The following PUS7L variants were observed in gnomAD, a reference collection of about 807,000 sequenced individuals.
PUS7L encodes the protein pseudouridylate synthase PUS7L.
A neutral mutation model predicts 51.1 loss-of-function variants in PUS7L; 49 were observed. The observed-to-expected ratio is 0.96, with a 90% CI of 0.76 to 1.22. PUS7L has a LOEUF of 1.22. Ranked by LOEUF, PUS7L falls within the 50% of genes most tolerant of loss-of-function variation. The pLI is 0.00. For missense variants in PUS7L, 828 were observed against 820.6 expected (o/e 1.01, Z -0.11); for synonymous variants, 277 against 276.2 (o/e 1.00, Z -0.03).
chr12:43,753,749 G>A (rs1938561505), intron 2 of PUS7L, among the ~76,000 whole-genome samples: 1 of 152,082 alleles, frequency 6.6e-6, no homozygotes, highest in Non-Finnish European at 1.5e-5. Flanking sequence ...ATCTGTGAAA[G>A]CCCCAGAATC....
rs1486880927 is a variant in PUS7L at position 43,754,828 on chromosome 12, A to AATT, written c.415_417dup (p.Asn139dup). On this transcript the variant is annotated inframe_insertion, in exon 2 of 9. Transcript: ENST00000344862. ...CACTTCTCTCTTACATCACAGGCAA[A>AATT]ATTATTCAGTAACTCATGAGTTTTT... is the stretch of plus-strand genomic sequence containing the variant. 1 of 1,613,792 alleles carries AATT rather than the reference A, an allele frequency of 6.2e-7. No homozygotes were observed. Among genetic ancestry groups the AATT allele is most frequent in the East Asian group, 2.2e-5 (1 of 44,852 alleles).
rs1385473941 is a variant in PUS7L at position 43,720,248 on chromosome 12, C to T, written c.*10128G>A. 4 of 152,172 alleles carry T rather than the reference C, an allele frequency of 2.6e-5. No individual in the cohort carries two copies. The highest frequency in any genetic ancestry group is 5.9e-5 in the Non-Finnish European group (4 of 68,026). 9.4% of individuals were successfully genotyped at this position (152,172 alleles called of 1,614,324 possible). On this transcript the variant is annotated 3_prime_UTR_variant, in exon 9 of 9. Transcript: ENST00000344862. ...TCTGTAATCCCAGCATTTTGGGAGG[C>T]TGAGGCTGGCAGATCATTTGAGGTC... is the stretch of plus-strand genomic sequence containing the variant.
At chr12:43,732,002 ACT>A (rs1395827708) in intron 7 of PUS7L, among the ~76,000 whole-genome samples, 2 of 151,850 alleles carry the variant, frequency 1.3e-5, no homozygotes, top group African/African-American at 2.4e-5. Context: ...GCTGCTGAAA[ACT>A]CTGAGGCAAT....
At position 43,727,971 on chromosome 12, in the gene PUS7L, T is replaced by A. The variant is rs1359846153; in HGVS notation, c.*2405A>T. 1.3e-5 allele frequency: 2 copies of A among 152,118 alleles called. No homozygotes were observed. Among genetic ancestry groups the A allele is most frequent in the African/African-American group, 4.8e-5 (2 of 41,408 alleles). 9.4% of individuals were successfully genotyped at this position (152,118 alleles called of 1,614,324 possible). A position where few individuals can be genotyped will look rare whatever the true frequency, so the allele number is the denominator to read the frequency against. ...GACACAGCTTCTCCTTCGGCATGTT[T>A]AATTGGCATGTGATGTTTAAAGGAC... is the stretch of plus-strand genomic sequence containing the variant. On this transcript the variant is annotated 3_prime_UTR_variant, in exon 9 of 9. Coordinates refer to ENST00000344862, the MANE Select transcript of PUS7L (RefSeq NM_031292.5).
At chr12:43,740,244 GA>G (rs1375840353) in intron 5 of PUS7L, among the ~76,000 whole-genome samples, 1 of 152,126 alleles carries the variant, frequency 6.6e-6, no homozygotes, top group Non-Finnish European at 1.5e-5. Flanking sequence ...CTTAGAGTAG[GA>G]AAGGATCTTA....
At chr12:43,748,351 A>G (rs1197355981) in intron 3 of PUS7L, 99 bp downstream of exon 3, 5 of 703,942 alleles carry the variant, frequency 7.1e-6, no homozygotes, top group East Asian at 5.4e-5. Context: ...ATATAAATGC[A>G]TATTTGAATG....
chr12:43,742,630 T>C (rs1206535947), intron 4 of PUS7L, 75 bp from the exon 5 acceptor site: 10 of 1,466,126 alleles, frequency 6.8e-6, no homozygotes, highest in Non-Finnish European at 9.0e-6. Flanking sequence ...ATTGAATTTT[T>C]CTCTTCATAA....
At chr12:43,757,263 C>T (rs543956296) in intron 1 of PUS7L, among the ~76,000 whole-genome samples, 15 of 152,278 alleles carry the variant, frequency 9.9e-5, no homozygotes, top group East Asian at 1.9e-4. Flanking sequence ...CTCCGCCTCC[C>T]GAGTTCGAGC....
At position 43,725,429 on chromosome 12, in the gene PUS7L, G is replaced by T. The variant is rs1944440974; in HGVS notation, c.*4947C>A. On this transcript the variant is annotated 3_prime_UTR_variant, in exon 9 of 9. Coordinates refer to ENST00000344862, the MANE Select transcript of PUS7L (RefSeq NM_031292.5). ...AAGTTATATTTTAATTTTTAGTTTA[G>T]TTTTTTTTTTTTTTTGAGGTGGAGC... 5 of 143,140 alleles carry T rather than the reference G, an allele frequency of 3.5e-5. No individual in the cohort carries two copies. Among genetic ancestry groups the T allele is most frequent in the Admixed American group, 1.4e-4 (2 of 14,398 alleles). 8.9% of individuals were successfully genotyped at this position (143,140 alleles called of 1,614,324 possible).
chr12:43,732,889 A>G (rs1469763609), intron 7 of PUS7L, among the ~76,000 whole-genome samples: 3 of 152,234 alleles, frequency 2.0e-5, no homozygotes, highest in Non-Finnish European at 2.9e-5. Context: ...TCAAAATACA[A>G]GAGACAGACT....
chr12:43,752,956 G>A (rs1490961509), intron 2 of PUS7L, among the ~76,000 whole-genome samples: 2 of 152,064 alleles, frequency 1.3e-5, no homozygotes, highest in Non-Finnish European at 1.5e-5. Context: ...TTTAACATAT[G>A]CCTCCAACTA....
chr12:43,758,255 T>A (rs778384711), intron 1 of PUS7L: 5 of 938,650 alleles, frequency 5.3e-6, no homozygotes, highest in Non-Finnish European at 6.4e-6. Flanking sequence ...AGAATGTAAT[T>A]CCAGCATCCT....
Position 43,729,803 on chromosome 12 carries a change from T to TACA in PUS7L, c.*572_*573insTGT, listed in dbSNP as rs1330178546. Reference sequence around the variant, plus strand: ...TATAAAAATTGGATGAGAAATTGTATTTCAATCTTCATCAAAGATTACTTA... The same window carrying TACA: ...TATAAAAATTGGATGAGAAATTGTATACATTCAATCTTCATCAAAGATTACTTA... On this transcript the variant is annotated 3_prime_UTR_variant, in exon 9 of 9. Transcript: ENST00000344862. The TACA allele has an allele frequency of 6.6e-6, 1 of 152,488 alleles. No individual in the cohort carries two copies. The highest frequency in any genetic ancestry group is 1.5e-5 in the Non-Finnish European group (1 of 68,252). 9.4% of individuals were successfully genotyped at this position (152,488 alleles called of 1,614,324 possible). A position where few individuals can be genotyped will look rare whatever the true frequency, so the allele number is the denominator to read the frequency against.
At chr12:43,731,552 A>G (rs1374542756) in intron 8 of PUS7L, among the ~76,000 whole-genome samples, 153 bp downstream of exon 8, 1 of 152,192 alleles carries the variant, frequency 6.6e-6, no homozygotes, top group East Asian at 1.9e-4. Context: ...AGTCTATACA[A>G]TTGTAAACTA....
intron 4 of PUS7L, 197 bp from the exon 5 acceptor site, chr12:43,742,752 A>G (rs942713616): frequency 1.7e-6 from 1 of 588,326 alleles, no homozygotes; most frequent in African/African-American, 2.0e-5. Flanking sequence ...AGAAGTTAGA[A>G]CATAAAACCA....
intron 2 of PUS7L, among the ~76,000 whole-genome samples, chr12:43,749,879 ACTGGGGTCT>A (rs1335098013): frequency 3.9e-5 from 6 of 152,024 alleles, no homozygotes; most frequent in Non-Finnish European, 7.4e-5. Flanking sequence ...AACAATAGAC[ACTGGGGTCT>A]ATAAGAGGTA....
At chr12:43,751,257 T>C (rs151142355) in intron 2 of PUS7L, among the ~76,000 whole-genome samples, 9,267 of 151,904 alleles carry the variant, frequency 0.061, 291 homozygotes, top group Middle Eastern at 0.13. Flanking sequence ...TGCAGGTTTG[T>C]TACATATGTA....
rs1937951410 is a variant in PUS7L, at chr12:43,742,512, T to TTCCCA, written c.1302_1306dup (p.Lys436MetfsTer14). The TTCCCA allele has an allele frequency of 2.9e-5, 46 of 1,610,268 alleles. No individual in the cohort carries two copies. In the Middle Eastern group the frequency reaches 6.8e-3, roughly 236 times the overall value. The stretch of plus-strand genomic sequence containing the variant: ...TTGGTCTGTGTGAACTTTCCTTCCC[T>TTCCCA]TCCCAAATCTCTGTGGTCCATAGTA... On this transcript the variant is annotated frameshift_variant, in exon 5 of 9. Coordinates refer to ENST00000344862, the MANE Select transcript of PUS7L (RefSeq NM_031292.5). LOFTEE classifies it high-confidence loss of function.
chr12:43,744,798 C>A (rs773843231), intron 4 of PUS7L, among the ~76,000 whole-genome samples: 1 of 151,968 alleles, frequency 6.6e-6, no homozygotes, highest in Non-Finnish European at 1.5e-5. Context: ...CAGTGTTTCT[C>A]GGTATTGGCT....
Sources: gnomAD v4.1 joint callset for allele counts (sites outside exome capture counted in the v4.1 genomes callset) on GRCh38, gnomAD v4.1.1 for gene constraint, MANE v1.5 for transcripts, NCBI Gene and HGNC (gene_info 2026-07-23, HGNC 2026-07-21) for gene names.